Variants in CAST observed in about 807,000 individuals in gnomAD.
CAST encodes the protein calpastatin, also known as MIR583 host.
A neutral mutation model predicts 119.6 loss-of-function variants in CAST; 76 were observed. That is an observed-to-expected ratio of 0.64 (90% CI 0.53 to 0.77). The LOEUF (loss-of-function observed/expected upper bound fraction) is 0.77. CAST is among the 30% of genes least tolerant of loss of function. The probability of loss-of-function intolerance (pLI) is 0.00; values close to 1 mark genes in which losing one functional copy is unlikely to be tolerated. For synonymous variants in CAST, 319 were observed against 331.6 expected (o/e 0.96, Z 0.41); for missense variants, 953 against 946.5 (o/e 1.01, Z -0.09).
the CAST span, among the ~76,000 whole-genome samples, chr5:95,982,325 G>A: frequency 6.6e-6 from 1 of 151,986 alleles, no homozygotes; most frequent in South Asian, 2.1e-4. Flanking sequence ...GTGTGTGTGT[G>A]TGTGTGTGTA....
chr5:96,117,402 G>T, the CAST span, among the ~76,000 whole-genome samples: 2 of 152,142 alleles, frequency 1.3e-5, no homozygotes, highest in African/African-American at 4.8e-5. Flanking sequence ...AACCATGTCC[G>T]TGTAGAAACT....
chr5:96,345,733 T>G, the CAST span, among the ~76,000 whole-genome samples: 2 of 152,166 alleles, frequency 1.3e-5, no homozygotes, highest in Non-Finnish European at 2.9e-5. Flanking sequence ...ATTCAGTTCC[T>G]CAGGGACTGT....
chr5:96,309,461 C>A, the CAST span, among the ~76,000 whole-genome samples: 2 of 152,184 alleles, frequency 1.3e-5, no homozygotes, highest in Non-Finnish European at 2.9e-5. Context: ...GGGGAGTGAA[C>A]GATTCTGTAT....
the CAST span, among the ~76,000 whole-genome samples, chr5:96,434,616 T>TG: frequency 0.014 from 2,043 of 142,554 alleles, 35 homozygotes; most frequent in African/African-American, 0.043. Context: ...TGTTTTTTTT[T>TG]TTGTTGTTGT....
chr5:96,523,444 T>C (rs1434769113), upstream of CAST, among the ~76,000 whole-genome samples: 2 of 152,220 alleles, frequency 1.3e-5, no homozygotes, highest in Admixed American at 1.3e-4. Flanking sequence ...AAGTGCCACA[T>C]GTTCAGTATC....
the CAST span, among the ~76,000 whole-genome samples, chr5:96,394,015 T>C: frequency 6.6e-6 from 1 of 152,174 alleles, no homozygotes; most frequent in Non-Finnish European, 1.5e-5. Flanking sequence ...AGGACTCAGG[T>C]CCTGGAGGGA....
intron 1 of CAST, among the ~76,000 whole-genome samples, chr5:96,622,439 G>A (rs933165745): frequency 7.9e-5 from 12 of 152,136 alleles, no homozygotes; most frequent in African/African-American, 2.7e-4. Context: ...CAGACACTAA[G>A]GGAGAAAGAG....
At chr5:96,289,951 A>G in the CAST span, among the ~76,000 whole-genome samples, 1 of 151,988 alleles carries the variant, frequency 6.6e-6, no homozygotes, top group Admixed American at 6.6e-5. Context: ...TAAAAAAAAC[A>G]GAATTGACTA....
At chr5:96,551,311 C>A (rs1356790674) in intron 1 of CAST, among the ~76,000 whole-genome samples, 2 of 152,164 alleles carry the variant, frequency 1.3e-5, no homozygotes, top group African/African-American at 4.8e-5. Context: ...CATATCCAGC[C>A]AAACTAAGCT....
At chr5:96,525,125 G>A (rs950861498), upstream of CAST, 1 of 152,216 alleles carries the variant, frequency 6.6e-6, no homozygotes, top group African/African-American at 2.4e-5. Flanking sequence ...TGGATCACAG[G>A]TGTGTTACAT....
intron 8 of CAST, among the ~76,000 whole-genome samples, chr5:96,730,272 A>G (rs1581162374): frequency 6.6e-6 from 1 of 152,244 alleles, no homozygotes; most frequent in East Asian, 1.9e-4. Context: ...CTTGGAAGAT[A>G]ATAACGAGGT....
At chr5:96,354,090 G>A in the CAST span, among the ~76,000 whole-genome samples, 2 of 152,068 alleles carry the variant, frequency 1.3e-5, no homozygotes, top group African/African-American at 4.8e-5. Flanking sequence ...AACTTGGGCA[G>A]CTTTACTTTA....
intron 1 of CAST, among the ~76,000 whole-genome samples, chr5:96,530,499 T>G (rs1232585384): frequency 1.3e-5 from 2 of 152,040 alleles, no homozygotes; most frequent in Non-Finnish European, 2.9e-5. Context: ...AGTCCACAAA[T>G]AAGGTCAGGG....
At chr5:96,416,179 A>T in the CAST span, 1 of 1,157,618 alleles carries the variant, frequency 8.6e-7, no homozygotes, top group Non-Finnish European at 1.3e-6. Context: ...TTTGTTTTGC[A>T]TATGAATGAA....
the CAST span, among the ~76,000 whole-genome samples, chr5:96,474,094 C>T: frequency 1.3e-5 from 2 of 152,090 alleles, no homozygotes; most frequent in African/African-American, 2.4e-5. Context: ...ACCCTGTAAG[C>T]CATGTGGATC....
At chr5:96,755,681 T>C (rs1766146948) in intron 22 of CAST, among the ~76,000 whole-genome samples, 2 of 152,216 alleles carry the variant, frequency 1.3e-5, no homozygotes, top group Non-Finnish European at 2.9e-5. Flanking sequence ...TTCTCACTCA[T>C]CCATGTGCAC....
At chr5:96,415,232 T>C in the CAST span, among the ~76,000 whole-genome samples, 2 of 152,186 alleles carry the variant, frequency 1.3e-5, no homozygotes, top group African/African-American at 4.8e-5. Flanking sequence ...TTCAGCCAAC[T>C]GAAGACACCA....
chr5:96,117,539 T>C, the CAST span, among the ~76,000 whole-genome samples: 1 of 152,238 alleles, frequency 6.6e-6, no homozygotes, highest in East Asian at 1.9e-4. Flanking sequence ...GCGTGTCAGA[T>C]GTGCAGAAAG....
the CAST span, among the ~76,000 whole-genome samples, chr5:96,491,221 C>T: frequency 3.4e-4 from 52 of 152,022 alleles, no homozygotes; most frequent in South Asian, 0.01. Flanking sequence ...CACGGTGGCT[C>T]AAGCCTGTAA....
Sources: gnomAD v4.1 joint callset for allele counts (sites outside exome capture counted in the v4.1 genomes callset) on GRCh38, gnomAD v4.1.1 for gene constraint, MANE v1.5 for transcripts, NCBI Gene and HGNC (gene_info 2026-07-23, HGNC 2026-07-21) for gene names.